The following SMURF1 variants were observed in gnomAD, a reference collection of about 807,000 sequenced individuals.
SMURF1 encodes SMAD specific E3 ubiquitin protein ligase 1.
SMURF1 carries 44 observed loss-of-function variants against 98.0 expected under a neutral mutation model. The observed-to-expected ratio is 0.45, with a 90% confidence interval of 0.35 to 0.58. The LOEUF is 0.58. Ranked by LOEUF, SMURF1 falls within the 20% of genes least tolerant of loss-of-function variation. The probability of loss-of-function intolerance (pLI) is 0.00; values close to 1 mark genes in which losing one functional copy is unlikely to be tolerated. For missense variants in SMURF1, 687 were observed against 938.4 expected (o/e 0.73, Z 3.50); for synonymous variants, 396 against 374.9 (o/e 1.06, Z -0.65).
At chr7:99,084,077 C>T (rs1222630558) in intron 1 of SMURF1, among the ~76,000 whole-genome samples, 2 of 152,234 alleles carry the variant, frequency 1.3e-5, no homozygotes, top group Non-Finnish European at 2.9e-5. Flanking sequence ...TTGTCCAAGA[C>T]TGCACACATT....
intron 1 of SMURF1, among the ~76,000 whole-genome samples, chr7:99,071,700 A>G (rs535600131): frequency 1.3e-5 from 2 of 152,210 alleles, no homozygotes; most frequent in Non-Finnish European, 2.9e-5. Context: ...GTGTCTCATT[A>G]AAGTCTATCT....
chr7:99,057,537 GT>G lies in SMURF1; in HGVS notation c.217del (p.Thr73ArgfsTer4). 1.3e-6 allele frequency: 2 copies of G among 1,521,004 alleles called. No individual in the cohort carries two copies. The highest frequency in any genetic ancestry group is 2.5e-5 in the East Asian group (1 of 40,746). 94.2% of individuals were successfully genotyped at this position (1,521,004 alleles called of 1,614,324 possible). A position where few individuals can be genotyped will look rare whatever the true frequency, so the allele number is the denominator to read the frequency against. ...NQHYDLYVGK[T>X]DSITISVWNH... ...CCACACGCTAATGGTTATCGAATCC[GT>G]TTTCCCAACATATCTGGAAAGAAAG... On this transcript the variant is annotated frameshift_variant, in exon 4 of 18. Transcript: ENST00000361368. LOFTEE classifies it high-confidence loss of function.
rs765746276 is a variant in SMURF1, at chr7:99,061,847, A to G, written c.56-10T>C. Reference sequence around the variant, plus strand: ...TTCTTGGCACATAACACTAAAAACAAAGAAAAATTACTCAGGTTAGCATTA... The same window carrying G: ...TTCTTGGCACATAACACTAAAAACAGAGAAAAATTACTCAGGTTAGCATTA... On this transcript the variant is annotated splice_polypyrimidine_tract_variant and intron_variant, in intron 1 of 17. Transcript: ENST00000361368. The G allele has an allele frequency of 1.6e-5, 25 of 1,598,398 alleles. No homozygotes were observed. The highest frequency in any genetic ancestry group is 1.5e-4 in the South Asian group (13 of 87,294).
chr7:99,030,745 C>A, intron 17 of SMURF1, 62 bp from the exon 18 acceptor site: 1 of 1,350,798 alleles, frequency 7.4e-7, no homozygotes, highest in East Asian at 2.3e-5. Context: ...AACCTCAAGG[C>A]CAAGGACAGG....
intron 1 of SMURF1, among the ~76,000 whole-genome samples, chr7:99,141,932 C>T (rs1181456968): frequency 2.0e-5 from 3 of 152,190 alleles, no homozygotes; most frequent in African/African-American, 7.2e-5. Flanking sequence ...TTAGAATGAA[C>T]TTTTTAGTTT....
In SMURF1 at chr7:99,067,790, A is replaced by G. The variant is rs149876451; in HGVS notation, c.56-5953T>C. ...AGCATGGTGAAATCCTGTCTCTACTAAAAATACAAAAAATTTAGCCAGGCG... is the reference window on the plus strand; with the variant it reads ...AGCATGGTGAAATCCTGTCTCTACTGAAAATACAAAAAATTTAGCCAGGCG... On this transcript the variant is annotated intron_variant, in intron 1 of 17. Coordinates refer to ENST00000361368, the MANE Select transcript of SMURF1 (RefSeq NM_181349.3). Among the ~76,000 whole-genome samples, 1,341 of 152,178 alleles carry G rather than the reference A, an allele frequency of 8.8e-3. 9 individuals are homozygous for G. Among genetic ancestry groups the G allele is most frequent in the African/African-American group, 0.03 (1,265 of 41,520 alleles).
At chr7:99,053,396 T>C (rs946538722) in intron 6 of SMURF1, among the ~76,000 whole-genome samples, 2 of 152,180 alleles carry the variant, frequency 1.3e-5, no homozygotes, top group African/African-American at 4.8e-5. Flanking sequence ...GACTTCATCC[T>C]TAAATATTTC....
intron 1 of SMURF1, among the ~76,000 whole-genome samples, chr7:99,117,739 A>C (rs1054175740): frequency 8.5e-5 from 13 of 152,168 alleles, no homozygotes; most frequent in African/African-American, 2.9e-4. Flanking sequence ...ATAACCCATA[A>C]AATGGGAGAA....
At position 99,052,077 on chromosome 7, in the gene SMURF1, G is replaced by A. The variant is rs1019693286; in HGVS notation, c.721+128C>T. On this transcript the variant is annotated intron_variant, in intron 7 of 17. Coordinates refer to ENST00000361368, the MANE Select transcript of SMURF1 (RefSeq NM_181349.3). ...TTGAGCTAGGGAGGTCAAGGCTGCC[G>A]TGAGCCATGATCATGCCACTGCACT... 53 of 1,320,404 alleles carry A rather than the reference G, an allele frequency of 4.0e-5. No homozygotes were observed. The South Asian group carries it at 6.7e-4, about 17-fold the overall frequency. 81.8% of individuals were successfully genotyped at this position (1,320,404 alleles called of 1,614,324 possible). A position where few individuals can be genotyped will look rare whatever the true frequency, so the allele number is the denominator to read the frequency against.
At chr7:99,041,715 A>G (rs1795392980) in intron 12 of SMURF1, among the ~76,000 whole-genome samples, 1 of 152,210 alleles carries the variant, frequency 6.6e-6, no homozygotes, top group South Asian at 2.1e-4. Context: ...CCAGCACGCT[A>G]AGGGTGGCAG....
intron 1 of SMURF1, among the ~76,000 whole-genome samples, chr7:99,137,737 G>A (rs1798026427): frequency 1.3e-5 from 2 of 152,224 alleles, no homozygotes; most frequent in South Asian, 4.1e-4. Flanking sequence ...AGTGGGGCGC[G>A]TCACCAGACG....
chr7:99,037,014 C>T (rs974354968), intron 15 of SMURF1, 53 bp downstream of exon 15: 3 of 1,611,020 alleles, frequency 1.9e-6, no homozygotes, highest in African/African-American at 1.3e-5. Context: ...TTAAAACAGG[C>T]AGACGCCAGC....
intron 3 of SMURF1, among the ~76,000 whole-genome samples, chr7:99,060,378 C>CAAA (rs11340949): frequency 5.4e-5 from 5 of 92,486 alleles, no homozygotes; most frequent in African/African-American, 1.0e-4. Context: ...GACTCCGTCT[C>CAAA]AAAAAAAAAA....
intron 3 of SMURF1, among the ~76,000 whole-genome samples, chr7:99,059,580 A>G (rs557817486): frequency 6.6e-6 from 1 of 152,144 alleles, no homozygotes; most frequent in African/African-American, 2.4e-5. Flanking sequence ...AAAAAGCAAA[A>G]ATTTTCAAAG....
In SMURF1 at chr7:99,029,704, C is replaced by T. The variant is rs567199372; in HGVS notation, c.*880G>A. ...TGGTTTACTAATATTTTAAGTGACACAGTCGATGCTCTTCTATGGACAACA... is the reference window on the plus strand; with the variant it reads ...TGGTTTACTAATATTTTAAGTGACATAGTCGATGCTCTTCTATGGACAACA... On this transcript the variant is annotated 3_prime_UTR_variant, in exon 18 of 18. Coordinates refer to ENST00000361368, the MANE Select transcript of SMURF1 (RefSeq NM_181349.3). The T allele has an allele frequency of 1.3e-5, 2 of 152,176 alleles. No individual in the cohort carries two copies. Among genetic ancestry groups the T allele is most frequent in the Non-Finnish European group, 2.9e-5 (2 of 68,050 alleles). 9.4% of individuals were successfully genotyped at this position (152,176 alleles called of 1,614,324 possible). A position where few individuals can be genotyped will look rare whatever the true frequency, so the allele number is the denominator to read the frequency against.
chr7:99,097,443 A>C (rs1471732840), intron 1 of SMURF1, among the ~76,000 whole-genome samples: 3 of 152,242 alleles, frequency 2.0e-5, no homozygotes, highest in African/African-American at 4.8e-5. Flanking sequence ...TATTTAGGTC[A>C]TGAAGGCTCT....
chr7:99,094,502 T>C (rs1796900328), intron 1 of SMURF1, among the ~76,000 whole-genome samples: 1 of 152,204 alleles, frequency 6.6e-6, no homozygotes, highest in African/African-American at 2.4e-5. Context: ...TTAATTCAAA[T>C]ACCATCTGTT....
intron 14 of SMURF1, 107 bp downstream of exon 14, chr7:99,038,281 C>A: frequency 7.5e-7 from 1 of 1,329,222 alleles, no homozygotes; most frequent in Non-Finnish European, 1.0e-6. Flanking sequence ...ATCATAAGCA[C>A]CAGCCATCAG....
At chr7:99,130,893 G>C (rs1221634550) in intron 1 of SMURF1, among the ~76,000 whole-genome samples, 3 of 152,160 alleles carry the variant, frequency 2.0e-5, no homozygotes, top group African/African-American at 7.2e-5. Flanking sequence ...CACAGCGGTT[G>C]GTTCAGCAAT....
Sources: gnomAD v4.1 joint callset for allele counts (sites outside exome capture counted in the v4.1 genomes callset) on GRCh38, gnomAD v4.1.1 for gene constraint, MANE v1.5 for transcripts, NCBI Gene and HGNC (gene_info 2026-07-23, HGNC 2026-07-21) for gene names.